IL17RC: variants seen among roughly 807,000 people sequenced by gnomAD.
The protein encoded by IL17RC is interleukin 17 receptor C, also known as interleukin-17 receptor C.
A neutral mutation model predicts 86.7 loss-of-function variants in IL17RC; 53 were observed. That is an observed-to-expected ratio of 0.61 (90% CI 0.49 to 0.77). IL17RC has a LOEUF of 0.77. IL17RC is among the 30% of genes least tolerant of loss of function. The pLI, the probability that IL17RC is intolerant of heterozygous loss-of-function variation, is 0.00. For missense variants in IL17RC, 957 were observed against 940.0 expected, an observed-to-expected ratio of 1.02 and a Z score of -0.24; for synonymous variants, 439 against 413.1, an observed-to-expected ratio of 1.06 and a Z score of -0.76.
At chr3:9,924,408 C>A in intron 9 of IL17RC, 117 bp downstream of exon 9, 1 of 1,068,958 alleles carries the variant, frequency 9.4e-7, no homozygotes, top group Non-Finnish European at 1.4e-6. Flanking sequence ...GAGACTGTGG[C>A]TCCCTGGGGT....
At position 9,930,883 on chromosome 3, in the gene IL17RC, T is replaced by C. The variant is rs1377964217; in HGVS notation, c.1339-12T>C. 2 of 1,613,804 alleles carry C rather than the reference T, an allele frequency of 1.2e-6. No individual in the cohort carries two copies. The highest frequency in any genetic ancestry group is 4.5e-5 in the East Asian group (2 of 44,882). ...CTGGTGCCCTGGATTTGGTTCTGTT[T>C]GTATCTTACAGCTATGGGACGATGA... is the stretch of plus-strand genomic sequence containing the variant. On this transcript the variant is annotated splice_polypyrimidine_tract_variant and intron_variant, in intron 15 of 18. Transcript: ENST00000403601. This position sits in a 1 kb window ranked among gnomAD's most constrained non-coding sequence, Gnocchi z 5.8.
At chr3:9,932,376 G>A (rs535602512) in intron 16 of IL17RC, among the ~76,000 whole-genome samples, 3 of 152,150 alleles carry the variant, frequency 2.0e-5, no homozygotes, top group African/African-American at 7.2e-5. Flanking sequence ...ACAGGCGTGT[G>A]CCACCACGCC....
rs563013667 is a variant in IL17RC at position 9,921,793 on chromosome 3, T to C, written c.622+824T>C. On this transcript the variant is annotated intron_variant, in intron 7 of 18. Transcript: ENST00000403601. ...GCACCCGCCACCACGCCTGGCTAAT[T>C]TTTTTTTTTTTTTAGTAGAGACAGG... 2.9e-3 allele frequency among the ~76,000 whole-genome samples: 406 copies of C among 141,802 alleles called. 1 individual carries two copies. Among genetic ancestry groups the C allele is most frequent in the African/African-American group, 0.01 (393 of 38,984 alleles). 93.0% of individuals were successfully genotyped at this position (141,802 alleles called of 152,430 possible).
Position 9,933,415 on chromosome 3 carries a change from TC to T in IL17RC, c.1987del (p.Leu663TrpfsTer60). The T allele has an allele frequency of 6.2e-7, 1 of 1,613,250 alleles. No homozygotes were observed. ...ACACTGCCCTCCCAACTGCCAGACT[TC>T]CTGGGGGCCCTGCAGCAGCCTCGCG... ...VFTLPSQLPD[F>X]LGALQQPRAP... On this transcript the variant is annotated frameshift_variant, in exon 19 of 19. Transcript: ENST00000403601. LOFTEE classifies it low-confidence loss of function (END_TRUNC).
chr3:9,932,728 C>G (rs774327445), intron 17 of IL17RC, 25 bp downstream of exon 17: 6 of 1,612,504 alleles, frequency 3.7e-6, no homozygotes, highest in African/African-American at 1.3e-5. Context: ...GCTCCCCATT[C>G]CCCTGGGGGA....
chr3:9,932,043 A>G (rs527311196), intron 16 of IL17RC, among the ~76,000 whole-genome samples: 17 of 152,246 alleles, frequency 1.1e-4, no homozygotes, highest in Non-Finnish European at 1.6e-4. Flanking sequence ...GTTAAGCTTT[A>G]TATGTATTAA....
intron 5 of IL17RC, 47 bp from the exon 6 acceptor site, chr3:9,920,444 G>C: frequency 8.2e-7 from 1 of 1,226,252 alleles, no homozygotes; most frequent in Non-Finnish European, 1.2e-6. Flanking sequence ...CCTTGGCCTG[G>C]ATTCTGAGCC....
Position 9,930,733 on chromosome 3 carries a change from C to T in IL17RC, c.1339-162C>T. 1 of 755,590 alleles carries T rather than the reference C, an allele frequency of 1.3e-6. No homozygotes were observed. 46.8% of individuals were successfully genotyped at this position (755,590 alleles called of 1,614,324 possible). ...AGATTTGGTATGGAAGAAGTCATAC[C>T]CTAGTCAGTGGGCACAGCACAAAGG... On this transcript the variant is annotated intron_variant, in intron 15 of 18. Transcript: ENST00000403601. The surrounding 1 kb of genome is among the most constrained non-coding windows in gnomAD (Gnocchi z 5.8).
In IL17RC at chr3:9,933,580, G is replaced by T; in HGVS notation, c.2150G>T (p.Gly717Val). Residue 717 changes from glycine (G) to valine (V), a missense_variant, in exon 19 of 19, where the codon GGG becomes GTG. Transcript: ENST00000403601. ...GVGPGAGPGA[G>V]DGT ...GGACCAGGCGCGGGACCTGGGGCGG[G>T]GGACGGGACTTAAATAAAGGCAGAC... 6.3e-7 allele frequency: 1 copy of T among 1,597,834 alleles called. No homozygotes were observed. Among genetic ancestry groups the T allele is most frequent in the African/African-American group, 1.3e-5 (1 of 74,612 alleles).
In IL17RC at chr3:9,930,838, G is replaced by T. The variant is rs1174168334; in HGVS notation, c.1339-57G>T. The T allele has an allele frequency of 4.7e-6, 7 of 1,494,310 alleles. No individual in the cohort carries two copies. The highest frequency in any genetic ancestry group is 6.5e-6 in the Non-Finnish European group (7 of 1,071,064). 92.6% of individuals were successfully genotyped at this position (1,494,310 alleles called of 1,614,324 possible). On this transcript the variant is annotated intron_variant, in intron 15 of 18. Transcript: ENST00000403601. The surrounding 1 kb of genome is among the most constrained non-coding windows in gnomAD (Gnocchi z 5.8). ...TTGGAGATCAGGCCACCAGAGCTTG[G>T]TGAATATTGGAACACCTGGCTGGTG...
intron 12 of IL17RC, 91 bp downstream of exon 12, chr3:9,928,721 T>C (rs1353529688): frequency 8.7e-6 from 12 of 1,372,318 alleles, no homozygotes; most frequent in African/African-American, 1.5e-5. Flanking sequence ...CGCTAAAGCA[T>C]AGTGGTTGCC....
At position 9,922,913 on chromosome 3, in the gene IL17RC, C is replaced by T. The variant is rs187706164; in HGVS notation, c.623-968C>T. On this transcript the variant is annotated intron_variant, in intron 7 of 18. Coordinates refer to ENST00000403601, the MANE Select transcript of IL17RC (RefSeq NM_153460.4). ...GGAGGGGGCCGGGCGCGGTGGCTCA[C>T]GCCTGTAATCCCAGCACTTTGGGAG... is the stretch of plus-strand genomic sequence containing the variant. Among the ~76,000 whole-genome samples the T allele has an allele frequency of 5.5e-3, 831 of 152,148 alleles. 9 individuals are homozygous for T. In the South Asian group the frequency reaches 0.057, roughly 10 times the overall value.
intron 3 of IL17RC, 72 bp from the exon 4 acceptor site, chr3:9,918,263 G>T: frequency 7.0e-7 from 1 of 1,430,852 alleles, no homozygotes; most frequent in Non-Finnish European, 9.5e-7. Context: ...TTTCCAGAAG[G>T]AAGCCAACGC....
intron 11 of IL17RC, 37 bp downstream of exon 11, chr3:9,928,523 A>G: frequency 3.1e-6 from 5 of 1,613,498 alleles, no homozygotes; most frequent in Non-Finnish European, 4.2e-6. Flanking sequence ...TGGTGAGGGG[A>G]GAGTGGGGAA....
intron 9 of IL17RC, among the ~76,000 whole-genome samples, chr3:9,926,174 C>T (rs1297598913): frequency 6.6e-6 from 1 of 151,344 alleles, no homozygotes; most frequent in Admixed American, 6.6e-5. Context: ...GCTGAGATTA[C>T]AGGCACACAC....
At position 9,932,622 on chromosome 3, in the gene IL17RC, T is replaced by C; in HGVS notation, c.1402T>C (p.Trp468Arg). The C allele has an allele frequency of 6.2e-7, 1 of 1,614,162 alleles. No homozygotes were observed. The highest frequency in any genetic ancestry group is 1.1e-5 in the South Asian group (1 of 91,084). Residue 468 changes from tryptophan to arginine, a missense_variant, in exon 17 of 19, where the codon TGG (tryptophan) becomes CGG (arginine). Trp to Arg is a moderately radical substitution (Grantham distance 101). Transcript: ENST00000403601. Reference sequence around the variant, plus strand: ...GGGTCTCCCAGACATCCACAAGCGCTGGGCCCTCGTGTGGCTGGCCTGCCT... The same window carrying C: ...GGGTCTCCCAGACATCCACAAGCGCCGGGCCCTCGTGTGGCTGGCCTGCCT... ...CPMDKYIHKR[W>R]ALVWLACLLF...
At chr3:9,932,295 C>T (rs1422144304) in intron 16 of IL17RC, among the ~76,000 whole-genome samples, 3 of 152,148 alleles carry the variant, frequency 2.0e-5, no homozygotes, top group African/African-American at 4.8e-5. Flanking sequence ...GGCGCGATCT[C>T]GGCTCACTGC....
At chr3:9,925,371 C>T (rs1456957835) in intron 9 of IL17RC, among the ~76,000 whole-genome samples, 1 of 152,084 alleles carries the variant, frequency 6.6e-6, no homozygotes, top group Admixed American at 6.6e-5. Flanking sequence ...AAGCCTCGTC[C>T]TCCCAAAGTG....
chr3:9,931,468 C>CATATATATATAT (rs1164461805), intron 16 of IL17RC, among the ~76,000 whole-genome samples: 131 of 17,780 alleles, frequency 7.4e-3, no homozygotes, highest in South Asian at 0.026. Context: ...CACACACACA[C>CATATATATATAT]ACATATATAT....
Sources: gnomAD v4.1 joint callset for allele counts (sites outside exome capture counted in the v4.1 genomes callset) on GRCh38, gnomAD v4.1.1 for gene constraint, Gnocchi (gnomAD v3.1) non-coding constraint, MANE v1.5 for transcripts, NCBI Gene and HGNC (gene_info 2026-07-23, HGNC 2026-07-21) for gene names.